Variants in PIK3CB observed in about 807,000 individuals in gnomAD.
PIK3CB encodes the protein phosphatidylinositol-4,5-bisphosphate 3-kinase catalytic subunit beta, also known as phosphatidylinositol 4,5-bisphosphate 3-kinase catalytic subunit beta isoform.
A neutral mutation model predicts 136.8 loss-of-function variants in PIK3CB; 39 were observed. The ratio of observed to expected loss-of-function variants is 0.29; its 90% CI spans 0.22 to 0.37. PIK3CB has a LOEUF of 0.37. Among genes scored for constraint, PIK3CB ranks in the 10% least tolerant of loss-of-function variants. PIK3CB has a pLI of 1.00. For synonymous variants in PIK3CB, 428 were observed against 436.6 expected, an observed-to-expected ratio of 0.98 and a Z score of 0.25; for missense variants, 868 against 1,275.4, an observed-to-expected ratio of 0.68 and a Z score of 4.87.
intron 2 of PIK3CB, among the ~76,000 whole-genome samples, chr3:138,771,921 C>CAAAA (rs60381827): frequency 8.7e-6 from 1 of 114,574 alleles, no homozygotes; most frequent in Non-Finnish European, 1.8e-5. Flanking sequence ...GACTCAGTCT[C>CAAAA]AAAAAAAAAA....
intron 7 of PIK3CB, among the ~76,000 whole-genome samples, chr3:138,733,950 C>T (rs910689150): frequency 7.9e-5 from 12 of 152,112 alleles, no homozygotes; most frequent in African/African-American, 2.7e-4. Context: ...ACATAGGCAG[C>T]ATTCCACTAA....
chr3:138,782,413 A>G (rs1344308542), intron 2 of PIK3CB, among the ~76,000 whole-genome samples: 1 of 152,226 alleles, frequency 6.6e-6, no homozygotes, highest in Non-Finnish European at 1.5e-5. Context: ...TTAATCACTA[A>G]GGAAGAAGGG....
At chr3:138,748,248 G>C (rs2045402414) in intron 4 of PIK3CB, among the ~76,000 whole-genome samples, 1 of 151,330 alleles carries the variant, frequency 6.6e-6, no homozygotes, top group Non-Finnish European at 1.5e-5. Context: ...GAGAGATTCA[G>C]GACCAACGAA....
At chr3:138,724,076 A>G (rs1179451715) in intron 8 of PIK3CB, among the ~76,000 whole-genome samples, 1 of 152,136 alleles carries the variant, frequency 6.6e-6, no homozygotes, top group Non-Finnish European at 1.5e-5. Context: ...TGCTACCTGG[A>G]CTTAGGGCAG....
intron 1 of PIK3CB, among the ~76,000 whole-genome samples, chr3:138,831,110 G>A (rs989619651): frequency 5.1e-4 from 66 of 129,772 alleles, no homozygotes; most frequent in African/African-American, 1.8e-3. Context: ...GTGAAACCCC[G>A]TCTCTACTAA....
In PIK3CB at chr3:138,691,223, T is replaced by G. The variant is rs1400286239; in HGVS notation, c.1893-80A>C. On this transcript the variant is annotated intron_variant, in intron 14 of 23. Coordinates refer to ENST00000674063, the MANE Select transcript of PIK3CB (RefSeq NM_006219.3). ...TCCCTTGGTATCAAACTATCAAATG[T>G]GAACTTGTTGAAACACAATGGTTCT... 3 of 1,291,516 alleles carry G rather than the reference T, an allele frequency of 2.3e-6. No individual in the cohort carries two copies. In the East Asian group the frequency reaches 6.9e-5, roughly 30 times the overall value. 80.0% of individuals were successfully genotyped at this position (1,291,516 alleles called of 1,614,324 possible). A position where few individuals can be genotyped will look rare whatever the true frequency, so the allele number is the denominator to read the frequency against.
At chr3:138,748,468 GTC>G (rs1449886228) in intron 4 of PIK3CB, among the ~76,000 whole-genome samples, 2 of 151,960 alleles carry the variant, frequency 1.3e-5, no homozygotes, top group Non-Finnish European at 2.9e-5. Flanking sequence ...TGCATAAATA[GTC>G]TCTGTTCTCA....
At chr3:138,755,044 T>C (rs555353023) in intron 4 of PIK3CB, among the ~76,000 whole-genome samples, 18 of 152,318 alleles carry the variant, frequency 1.2e-4, no homozygotes, top group Non-Finnish European at 2.1e-4. Flanking sequence ...CAATTTTCCA[T>C]GGAATAAATT....
At chr3:138,667,927 G>C (rs1374498837) in intron 19 of PIK3CB, among the ~76,000 whole-genome samples, 1 of 151,650 alleles carries the variant, frequency 6.6e-6, no homozygotes, top group East Asian at 2.0e-4. Context: ...AATTAGCCAG[G>C]CATGGTGGCA....
chr3:138,694,739 C>A (rs2108516942), intron 14 of PIK3CB, 47 bp downstream of exon 14: 1 of 1,599,000 alleles, frequency 6.3e-7, no homozygotes, highest in Non-Finnish European at 8.5e-7. Flanking sequence ...ATCCCAAACC[C>A]ACCCAAGTTA....
At position 138,712,261 on chromosome 3, in the gene PIK3CB, T is replaced by C. The variant is rs748198894; in HGVS notation, c.1346A>G (p.Lys449Arg). 8.8e-6 allele frequency: 14 copies of C among 1,589,362 alleles called. No homozygotes were observed. The highest frequency in any genetic ancestry group is 2.3e-5 in the South Asian group (2 of 88,058). ...TATGTCTCCAGTTCTCAATTGTCCT[T>C]TAAAGTCAAAAACCATCGTATTTAC... ...AWVNTMVFDF[K>R]GQLRTGDIIL... The change falls in exon 10 of 24, where the codon AAA (lysine) becomes AGA (arginine). Residue 449 changes from lysine (K) to arginine (R), a missense_variant. By Grantham distance (26) the Lys-to-Arg change is conservative. Coordinates refer to ENST00000674063, the MANE Select transcript of PIK3CB (RefSeq NM_006219.3).
intron 8 of PIK3CB, among the ~76,000 whole-genome samples, chr3:138,728,422 GGCT>G (rs1483818003): frequency 6.6e-6 from 1 of 152,028 alleles, no homozygotes; most frequent in African/African-American, 2.4e-5. Context: ...TGTATAAAAA[GGCT>G]AACACATCTT....
intron 5 of PIK3CB, among the ~76,000 whole-genome samples, chr3:138,740,870 C>T (rs2045230097): frequency 6.6e-6 from 1 of 152,050 alleles, no homozygotes; most frequent in Non-Finnish European, 1.5e-5. Flanking sequence ...TCTTGAACTC[C>T]TGGGTTCAAG....
chr3:138,832,593 C>T (rs112412741), intron 1 of PIK3CB, among the ~76,000 whole-genome samples: 4 of 151,786 alleles, frequency 2.6e-5, no homozygotes, highest in African/African-American at 9.7e-5. Flanking sequence ...TTTGGGAGGC[C>T]GAGGCGGGCG....
intron 19 of PIK3CB, among the ~76,000 whole-genome samples, chr3:138,677,723 C>T (rs571095713): frequency 1.3e-5 from 2 of 152,168 alleles, no homozygotes; most frequent in African/African-American, 4.8e-5. Context: ...ATGGAGAAAC[C>T]CCGTCTTACT....
intron 13 of PIK3CB, among the ~76,000 whole-genome samples, chr3:138,695,302 G>A (rs577580742): frequency 6.6e-6 from 1 of 152,272 alleles, no homozygotes; most frequent in African/African-American, 2.4e-5. Flanking sequence ...TGATATGTAT[G>A]CAAGATCACT....
chr3:138,809,172 G>T (rs1028128518), intron 1 of PIK3CB, among the ~76,000 whole-genome samples: 1 of 151,846 alleles, frequency 6.6e-6, no homozygotes, highest in African/African-American at 2.4e-5. Context: ...CAGCTACTCA[G>T]GAAGCTGAGG....
chr3:138,806,802 C>G lies in PIK3CB; in HGVS notation c.-121-10235G>C, dbSNP rs150151680. 5.5e-3 allele frequency among the ~76,000 whole-genome samples: 840 copies of G among 152,284 alleles called. 15 individuals are homozygous for G. The highest frequency in any genetic ancestry group is 0.019 in the African/African-American group (793 of 41,554). On this transcript the variant is annotated intron_variant, in intron 1 of 23. Transcript: ENST00000674063. ...ATAAGTCAACTTGCCAATGGTGATACTGTACACAGCTGGACGTTGAAGAAT... is the reference window on the plus strand; with the variant it reads ...ATAAGTCAACTTGCCAATGGTGATAGTGTACACAGCTGGACGTTGAAGAAT...
chr3:138,795,917 T>A (rs1328885911), intron 2 of PIK3CB, among the ~76,000 whole-genome samples: 2 of 152,124 alleles, frequency 1.3e-5, no homozygotes, highest in Non-Finnish European at 2.9e-5. Flanking sequence ...GTTTCTTCAG[T>A]TTTCAACTAA....
Sources: gnomAD v4.1 joint callset for allele counts (sites outside exome capture counted in the v4.1 genomes callset) on GRCh38, gnomAD v4.1.1 for gene constraint, MANE v1.5 for transcripts, NCBI Gene and HGNC (gene_info 2026-07-23, HGNC 2026-07-21) for gene names.